CNTRL: variants seen among roughly 807,000 people sequenced by gnomAD.
CNTRL encodes 110 kDa centrosomal protein.
A neutral mutation model predicts 303.7 loss-of-function variants in CNTRL; 233 were observed. The ratio of observed to expected loss-of-function variants is 0.77; its 90% CI spans 0.69 to 0.86. CNTRL has a LOEUF of 0.86. CNTRL is among the 40% of genes least tolerant of loss of function. The pLI, the probability that CNTRL is intolerant of heterozygous loss-of-function variation, is 0.00. For missense variants in CNTRL, 2,524 were observed against 2,650.6 expected, an observed-to-expected ratio of 0.95 and a Z score of 1.05; for synonymous variants, 900 against 922.2, an observed-to-expected ratio of 0.98 and a Z score of 0.44.
At chr9:121,130,430 A>G (rs1167115583) in intron 14 of CNTRL, among the ~76,000 whole-genome samples, 2 of 152,174 alleles carry the variant, frequency 1.3e-5, no homozygotes, top group Non-Finnish European at 2.9e-5. Flanking sequence ...AGGTGTTTAT[A>G]GTATTCTCTG....
At chr9:121,173,218 T>C (rs1274975198) in intron 40 of CNTRL, 25 bp from the exon 41 acceptor site, 1 of 1,585,110 alleles carries the variant, frequency 6.3e-7, no homozygotes, top group Non-Finnish European at 8.6e-7. Flanking sequence ...TATACAATGA[T>C]ATTTGACACC....
intron 25 of CNTRL, 24 bp from the exon 26 acceptor site, chr9:121,152,461 C>G: frequency 6.3e-7 from 1 of 1,580,422 alleles, no homozygotes; most frequent in Non-Finnish European, 8.7e-7. Context: ...TTCAGCACTG[C>G]ATTTTTTTCC....
intron 1 of CNTRL, among the ~76,000 whole-genome samples, chr9:121,076,220 C>G (rs189939373): frequency 6.6e-6 from 1 of 152,284 alleles, no homozygotes; most frequent in Non-Finnish European, 1.5e-5. Context: ...GAGATAAAAT[C>G]TTCTGCATCT....
chr9:121,164,075 AG>A (rs2052985125), intron 34 of CNTRL, among the ~76,000 whole-genome samples: 1 of 152,162 alleles, frequency 6.6e-6, no homozygotes, highest in Admixed American at 6.5e-5. Context: ...CATGTTAGCC[AG>A]GATGGTCTCC....
intron 25 of CNTRL, among the ~76,000 whole-genome samples, chr9:121,151,833 A>G (rs1327602314): frequency 3.9e-5 from 6 of 152,232 alleles, no homozygotes; most frequent in Non-Finnish European, 1.5e-5. Flanking sequence ...ATGTCAAGTC[A>G]CCAGTCCCAT....
intron 24 of CNTRL, 33 bp from the exon 25 acceptor site, chr9:121,150,136 TG>T: frequency 6.5e-7 from 1 of 1,539,232 alleles, no homozygotes. Flanking sequence ...AACACTCTTT[TG>T]TTGAATAAAC....
chr9:121,161,183 A>C, intron 32 of CNTRL: 1 of 400,992 alleles, frequency 2.5e-6, no homozygotes, highest in Non-Finnish European at 4.7e-6. Flanking sequence ...CATTCTTAGA[A>C]GGAAATACAT....
intron 7 of CNTRL, among the ~76,000 whole-genome samples, chr9:121,100,975 C>T (rs2049135231): frequency 6.6e-6 from 1 of 151,592 alleles, no homozygotes; most frequent in East Asian, 1.9e-4. Context: ...ACTTTAACAC[C>T]CCCCACTGTC....
chr9:121,141,343 A>C, intron 17 of CNTRL, 38 bp from the exon 18 acceptor site: 1 of 1,499,254 alleles, frequency 6.7e-7, no homozygotes, highest in Non-Finnish European at 9.2e-7. Context: ...TCAAAAATTA[A>C]ATGTCACATT....
chr9:121,103,867 C>G (rs9696619), intron 7 of CNTRL, among the ~76,000 whole-genome samples: 57,945 of 152,016 alleles, frequency 0.38, 12,448 homozygotes, highest in South Asian at 0.64. Context: ...ATTAAAAAGC[C>G]AGGAAACAAC....
intron 42 of CNTRL, 77 bp from the exon 43 acceptor site, chr9:121,174,941 A>G: frequency 7.6e-7 from 1 of 1,308,272 alleles, no homozygotes; most frequent in South Asian, 1.2e-5. Context: ...TGCCTATCAA[A>G]TGTATGTGAG....
rs186418829 is a variant in CNTRL at position 121,099,523 on chromosome 9, A to G, written c.808+951A>G. Among the ~76,000 whole-genome samples the G allele has an allele frequency of 2.0e-4, 30 of 152,360 alleles. 1 individual carries two copies. Among genetic ancestry groups the G allele is most frequent in the Admixed American group, 1.2e-3 (18 of 15,302 alleles). On this transcript the variant is annotated intron_variant, in intron 7 of 43. Transcript: ENST00000373855. ...CTCCTCCAAAGGAATGCAGCTCCTC[A>G]CCAGCAATGGAACAAAGATGGATGG...
At chr9:121,171,875 A>G (rs915236770) in intron 40 of CNTRL, among the ~76,000 whole-genome samples, 1 of 152,220 alleles carries the variant, frequency 6.6e-6, no homozygotes, top group Non-Finnish European at 1.5e-5. Context: ...ATAGGAGCCA[A>G]AACCTCCCCT....
chr9:121,167,380 A>C (rs2131843233), intron 36 of CNTRL, 109 bp from the exon 37 acceptor site: 1 of 830,832 alleles, frequency 1.2e-6, no homozygotes, highest in Non-Finnish European at 1.9e-6. Context: ...AAAGGAAATA[A>C]ACTTTTATGC....
At chr9:121,151,490 A>C (rs916181611) in intron 25 of CNTRL, among the ~76,000 whole-genome samples, 12 of 139,150 alleles carry the variant, frequency 8.6e-5, no homozygotes, top group African/African-American at 3.2e-4. Flanking sequence ...TCCCGGGTTC[A>C]GGCAATTCTC....
chr9:121,133,168 T>C (rs2050971982), intron 14 of CNTRL, among the ~76,000 whole-genome samples: 1 of 152,256 alleles, frequency 6.6e-6, no homozygotes, highest in Non-Finnish European at 1.5e-5. Flanking sequence ...CACTGCTCTC[T>C]TCAGAGCTGT....
chr9:121,157,645 GA>G, intron 28 of CNTRL, 45 bp downstream of exon 28: 1 of 1,605,388 alleles, frequency 6.2e-7, no homozygotes, highest in South Asian at 1.1e-5. Context: ...TGAGATGAAT[GA>G]AAAGTTTGCT....
rs1310641638 is a variant in CNTRL at position 121,143,953 on chromosome 9, A to G, written c.2922A>G (p.Lys974=). The part of the protein sequence containing the change: ...KSQEQVFGLD[K]ELKKLKKAVA... The stretch of plus-strand genomic sequence containing the variant: ...AGGAGCAAGTTTTTGGTTTAGATAA[A>G]GAACTGAAGAAACTAAAGAAAGCCG... Residue 974 remains lysine (K), a synonymous_variant, in exon 20 of 44, where the codon AAA becomes AAG. Coordinates refer to ENST00000373855, the MANE Select transcript of CNTRL (RefSeq NM_007018.6). The G allele has an allele frequency of 6.2e-7, 1 of 1,611,962 alleles. No individual in the cohort carries two copies. Among genetic ancestry groups the G allele is most frequent in the East Asian group, 2.2e-5 (1 of 44,860 alleles).
At chr9:121,146,353 A>C (rs1208075572) in intron 23 of CNTRL, 97 bp downstream of exon 23, 1 of 1,255,994 alleles carries the variant, frequency 8.0e-7, no homozygotes, top group African/African-American at 1.5e-5. Flanking sequence ...TACCAAAAAC[A>C]ACATTTCTAT....
Sources: gnomAD v4.1 joint callset for allele counts (sites outside exome capture counted in the v4.1 genomes callset) on GRCh38, gnomAD v4.1.1 for gene constraint, MANE v1.5 for transcripts, NCBI Gene and HGNC (gene_info 2026-07-23, HGNC 2026-07-21) for gene names.